Variants in PPP1R3A observed in about 807,000 individuals in gnomAD.
The protein encoded by PPP1R3A is protein phosphatase 1 regulatory subunit 3A.
PPP1R3A carries 29 observed loss-of-function variants against 41.7 expected under a neutral mutation model. That is an observed-to-expected ratio of 0.70 (90% CI 0.52 to 0.95). The LOEUF (loss-of-function observed/expected upper bound fraction) is 0.95. Among genes scored for constraint, PPP1R3A ranks in the 40% least tolerant of loss-of-function variants. The pLI, the probability that PPP1R3A is intolerant of heterozygous loss-of-function variation, is 0.00. For synonymous variants in PPP1R3A, 485 were observed against 453.4 expected (o/e 1.07, Z -0.89); for missense variants, 1,352 against 1,292.4 (o/e 1.05, Z -0.71).
At chr7:113,898,753 C>T (rs1232288906) in intron 1 of PPP1R3A, among the ~76,000 whole-genome samples, 4 of 151,776 alleles carry the variant, frequency 2.6e-5, no homozygotes, top group African/African-American at 7.3e-5. Flanking sequence ...ACTTAAAGTG[C>T]CTGCTTCAGA....
rs1362711509 is a variant in PPP1R3A at position 113,877,131 on chromosome 7, GT to G, written c.*591del. 6.6e-6 allele frequency: 1 copy of G among 151,916 alleles called. No homozygotes were observed. The highest frequency in any genetic ancestry group is 1.5e-5 in the Non-Finnish European group (1 of 67,938). 9.4% of individuals were successfully genotyped at this position (151,916 alleles called of 1,614,324 possible). A position where few individuals can be genotyped will look rare whatever the true frequency, so the allele number is the denominator to read the frequency against. ...ATAAAGAAGGTATGTGTGTGTGTGT[GT>G]GCATGCATCAAGTATTACACTCAAG... On this transcript the variant is annotated 3_prime_UTR_variant, in exon 4 of 4. Transcript: ENST00000284601.
At chr7:113,896,129 G>A (rs183870550) in intron 1 of PPP1R3A, among the ~76,000 whole-genome samples, 4 of 151,828 alleles carry the variant, frequency 2.6e-5, no homozygotes, top group East Asian at 2.0e-4. Context: ...ACGTGCAGAC[G>A]CGTGACTTCT....
rs1452004645 is a variant in PPP1R3A, at chr7:113,877,585, C to A, written c.*138G>T. The stretch of plus-strand genomic sequence containing the variant: ...ATAATTACTTATATGAAGGAGCAAA[C>A]TTATTCGCGTCCCTTTTTAAATGAT... On this transcript the variant is annotated 3_prime_UTR_variant, in exon 4 of 4. Coordinates refer to ENST00000284601, the MANE Select transcript of PPP1R3A (RefSeq NM_002711.4). The A allele has an allele frequency of 9.9e-7, 1 of 1,007,216 alleles. No homozygotes were observed. 62.4% of individuals were successfully genotyped at this position (1,007,216 alleles called of 1,614,324 possible). A position where few individuals can be genotyped will look rare whatever the true frequency, so the allele number is the denominator to read the frequency against.
At chr7:113,914,606 AGCTT>A (rs1041470381) in intron 1 of PPP1R3A, among the ~76,000 whole-genome samples, 4 of 152,190 alleles carry the variant, frequency 2.6e-5, no homozygotes, top group African/African-American at 9.6e-5. Flanking sequence ...ACTTTGGTGC[AGCTT>A]GAGCCTTGCA....
In PPP1R3A at chr7:113,877,833, T is replaced by C. The variant is rs77456357; in HGVS notation, c.3259A>G (p.Ile1087Val). ...PYFLLFLIFLITVYHYDLMIG... is the reference protein window; with the variant it reads ...PYFLLFLIFLVTVYHYDLMIG... ...ATTAAGTCATAATGGTAGACAGTTA[T>C]AAGAAATATCAGAAACAAAAGGAAA... The change falls in exon 4 of 4, where the codon ATA becomes GTA. Residue 1087 changes from isoleucine to valine, a missense_variant. Ile to Val is a conservative substitution (Grantham distance 29). Coordinates refer to ENST00000284601, the MANE Select transcript of PPP1R3A (RefSeq NM_002711.4). 2,181 of 1,609,466 alleles carry C rather than the reference T, an allele frequency of 1.4e-3. 28 individuals carry two copies. In the African/African-American group the frequency reaches 0.025, roughly 19 times the overall value.
Position 113,878,127 on chromosome 7 carries a change from T to C in PPP1R3A, c.2965A>G (p.Lys989Glu). 1 of 1,613,430 alleles carries C rather than the reference T, an allele frequency of 6.2e-7. No homozygotes were observed. The change falls in exon 4 of 4, where the codon AAA becomes GAA. Residue 989 changes from lysine to glutamate, a missense_variant. Coordinates refer to ENST00000284601, the MANE Select transcript of PPP1R3A (RefSeq NM_002711.4). ...SSGIVTSGSRKERCIGQIFQT... is the reference protein window; with the variant it reads ...SSGIVTSGSREERCIGQIFQT... The stretch of plus-strand genomic sequence containing the variant: ...AAAATCTGGCCTATGCATCTTTCTT[T>C]TCTACTACCTGATGTCACTATTCCT...
Position 113,877,848 on chromosome 7 carries a change from A to G in PPP1R3A, c.3244T>C (p.Phe1082Leu), listed in dbSNP as rs533179199. Residue 1082 changes from phenylalanine (F) to leucine (L), a missense_variant, in exon 4 of 4, where the codon TTT (phenylalanine) becomes CTT (leucine). Transcript: ENST00000284601. ...TAGACAGTTATAAGAAATATCAGAA[A>G]CAAAAGGAAATAAGGTATTTTAGAG... is the stretch of plus-strand genomic sequence containing the variant. ...TNSKIPYFLL[F>L]LIFLITVYHY... 5.0e-6 allele frequency: 8 copies of G among 1,610,648 alleles called. 1 individual carries two copies. The South Asian group carries it at 8.8e-5, about 18-fold the overall frequency.
Position 113,878,545 on chromosome 7 carries a change from T to A in PPP1R3A, c.2547A>T (p.Ser849=), listed in dbSNP as rs142590001. ...CTTTTTGATATTCTGTAATGACCCA[T>A]GAGGATTCTTCCACAGATGTTATAT... The part of the protein sequence containing the change: ...TGNITSVEES[S]WVITEYQKAT... The change falls in exon 4 of 4, where the codon TCA becomes TCT. Residue 849 remains serine, a synonymous_variant. Coordinates refer to ENST00000284601, the MANE Select transcript of PPP1R3A (RefSeq NM_002711.4). 24 of 1,613,394 alleles carry A rather than the reference T, an allele frequency of 1.5e-5. No individual in the cohort carries two copies. The Admixed American group carries it at 4.0e-4, about 27-fold the overall frequency.
intron 1 of PPP1R3A, 43 bp downstream of exon 1, chr7:113,918,172 C>T: frequency 6.6e-7 from 1 of 1,520,384 alleles, no homozygotes; most frequent in East Asian, 2.3e-5. Flanking sequence ...GACATAAAAA[C>T]TTTAAGATTG....
chr7:113,897,518 CA>C (rs1353482658), intron 1 of PPP1R3A, among the ~76,000 whole-genome samples: 1 of 151,196 alleles, frequency 6.6e-6, no homozygotes, highest in Non-Finnish European at 1.5e-5. Context: ...ATGATTGCAC[CA>C]CTGCAATCTA....
At chr7:113,910,046 C>T (rs1797217170) in intron 1 of PPP1R3A, among the ~76,000 whole-genome samples, 1 of 152,054 alleles carries the variant, frequency 6.6e-6, no homozygotes, top group Non-Finnish European at 1.5e-5. Context: ...GAAGGCACAT[C>T]TTACATGACA....
chr7:113,916,977 C>T (rs1018488489), intron 1 of PPP1R3A, among the ~76,000 whole-genome samples: 1 of 151,938 alleles, frequency 6.6e-6, no homozygotes, highest in Non-Finnish European at 1.5e-5. Flanking sequence ...TGAAAATAAA[C>T]ATAATATATA....
intron 1 of PPP1R3A, among the ~76,000 whole-genome samples, chr7:113,913,381 C>T (rs1797284074): frequency 6.6e-6 from 1 of 152,040 alleles, no homozygotes. Flanking sequence ...ATTTTACCAC[C>T]CTGAAAGATA....
At chr7:113,907,417 G>C (rs1173976351) in intron 1 of PPP1R3A, among the ~76,000 whole-genome samples, 1 of 151,584 alleles carries the variant, frequency 6.6e-6, no homozygotes, top group Non-Finnish European at 1.5e-5. Context: ...AAAAGCGGCT[G>C]TAATCCCAGT....
intron 1 of PPP1R3A, among the ~76,000 whole-genome samples, chr7:113,910,663 CTG>C (rs1797229664): frequency 6.6e-6 from 1 of 151,912 alleles, no homozygotes; most frequent in Non-Finnish European, 1.5e-5. Context: ...GTTTGTGAAA[CTG>C]AAATTTATCT....
chr7:113,878,660 T>C lies in PPP1R3A; in HGVS notation c.2432A>G (p.Asn811Ser), dbSNP rs750329357. 5.0e-6 allele frequency: 8 copies of C among 1,613,368 alleles called. No individual in the cohort carries two copies. The African/African-American group carries it at 9.4e-5, about 19-fold the overall frequency. ...FEKESRLGIC[N>S]VRVDEMEKEE... The stretch of plus-strand genomic sequence containing the variant: ...CTTCTCCATTTCATCTACACGTACA[T>C]TACAAATACCTAAACGTGATTCCTT... The change falls in exon 4 of 4, where the codon AAT becomes AGT. Residue 811 changes from asparagine to serine, a missense_variant. By Grantham distance (46) the Asn-to-Ser change is conservative. Transcript: ENST00000284601.
At chr7:113,895,411 T>G (rs1584413501) in intron 1 of PPP1R3A, among the ~76,000 whole-genome samples, 1 of 152,128 alleles carries the variant, frequency 6.6e-6, no homozygotes, top group African/African-American at 2.4e-5. Context: ...GTTAGAATGT[T>G]AAAAGTAGCC....
At chr7:113,895,342 A>G (rs1256945923) in intron 1 of PPP1R3A, among the ~76,000 whole-genome samples, 1 of 151,982 alleles carries the variant, frequency 6.6e-6, no homozygotes, top group Non-Finnish European at 1.5e-5. Flanking sequence ...CATTTGTTAA[A>G]AAAAACACCA....
rs1426560708 is a variant in PPP1R3A at position 113,879,641 on chromosome 7, C to T, written c.1451G>A (p.Cys484Tyr). The change falls in exon 4 of 4, where the codon TGT becomes TAT. Residue 484 changes from cysteine to tyrosine, a missense_variant. Physicochemically the swap from Cys to Tyr is radical, Grantham distance 194 (BLOSUM62 -2). Coordinates refer to ENST00000284601, the MANE Select transcript of PPP1R3A (RefSeq NM_002711.4). The stretch of plus-strand genomic sequence containing the variant: ...ATCTGAATGGAAATCTCTTCGTAAA[C>T]ATCCCAAATCTTTTACTTCAATATT... ...AKNIEVKDLG[C>Y]LRRDFHSDTS... is the part of the protein sequence containing the mutation. 3 of 1,613,150 alleles carry T rather than the reference C, an allele frequency of 1.9e-6. No homozygotes were observed.
Sources: gnomAD v4.1 joint callset for allele counts (sites outside exome capture counted in the v4.1 genomes callset) on GRCh38, gnomAD v4.1.1 for gene constraint, MANE v1.5 for transcripts, NCBI Gene and HGNC (gene_info 2026-07-23, HGNC 2026-07-21) for gene names.